LOC128125822: variants seen among roughly 807,000 people sequenced by gnomAD.
chr6:63,572,536 C>A, the LOC128125822 span: 1 of 395,690 alleles, frequency 2.5e-6, no homozygotes, highest in Non-Finnish European at 4.5e-6. Flanking sequence ...ACGCGCTCTG[C>A]TCCGAGCCGC....
chr6:63,573,947 G>T, the LOC128125822 span, among the ~76,000 whole-genome samples: 26 of 152,148 alleles, frequency 1.7e-4, no homozygotes, highest in African/African-American at 6.0e-4. Flanking sequence ...GTTGCCTCCT[G>T]TTGGTTTGTG....
At chr6:63,575,151 A>T in the LOC128125822 span, among the ~76,000 whole-genome samples, 1 of 152,234 alleles carries the variant, frequency 6.6e-6, no homozygotes, top group Admixed American at 6.5e-5. Flanking sequence ...TTAAAGGTGT[A>T]AAATGGAAAT....
the LOC128125822 span, chr6:63,578,414 T>C: frequency 6.3e-7 from 1 of 1,596,414 alleles, no homozygotes; most frequent in Admixed American, 1.9e-5. Context: ...CATTAAGATT[T>C]TTTTAATGTA....
the LOC128125822 span, chr6:63,582,406 T>C: frequency 2.0e-5 from 3 of 152,512 alleles, no homozygotes; most frequent in Non-Finnish European, 4.4e-5. Context: ...TAAAAATAAA[T>C]TAATTTACTT....
chr6:63,581,169 T>C, the LOC128125822 span: 8 of 152,438 alleles, frequency 5.2e-5, no homozygotes, highest in African/African-American at 1.7e-4. Flanking sequence ...CAACCTCTCT[T>C]GCAAAAAAAG....
At chr6:63,583,153 T>C in the LOC128125822 span, 9 of 152,182 alleles carry the variant, frequency 5.9e-5, no homozygotes, top group Non-Finnish European at 8.8e-5. Context: ...TCAGGAAATA[T>C]AATTTGAGAA....
the LOC128125822 span, among the ~76,000 whole-genome samples, chr6:63,575,326 T>C: frequency 1.3e-5 from 2 of 152,180 alleles, no homozygotes; most frequent in African/African-American, 4.8e-5. Context: ...TATTAATACT[T>C]TCCTTAGTGC....
chr6:63,577,064 C>A, the LOC128125822 span: 2 of 1,162,076 alleles, frequency 1.7e-6, no homozygotes, highest in Non-Finnish European at 1.2e-6. Context: ...ATAAAAACTA[C>A]TTTGGAAAAA....
At chr6:63,579,685 A>G in the LOC128125822 span, among the ~76,000 whole-genome samples, 4 of 152,328 alleles carry the variant, frequency 2.6e-5, no homozygotes, top group African/African-American at 4.8e-5. Flanking sequence ...TAACCATCCA[A>G]TACAACACAT....
the LOC128125822 span, chr6:63,581,678 A>G: frequency 6.6e-6 from 1 of 152,160 alleles, no homozygotes. Flanking sequence ...ATAATTTTGA[A>G]CCAATTTATT....
the LOC128125822 span, chr6:63,580,910 T>G: frequency 2.6e-5 from 4 of 152,570 alleles, no homozygotes; most frequent in African/African-American, 9.7e-5. Context: ...GAGGTGCAAC[T>G]TAACAGGGAG....
the LOC128125822 span, among the ~76,000 whole-genome samples, chr6:63,574,853 A>G: frequency 6.6e-6 from 1 of 152,174 alleles, no homozygotes; most frequent in Non-Finnish European, 1.5e-5. Flanking sequence ...GATTACTACA[A>G]TCTGTATTCA....
the LOC128125822 span, chr6:63,572,572 CCCGCCGCCGCCTGCATCG>C: frequency 4.8e-6 from 2 of 413,444 alleles, no homozygotes; most frequent in Non-Finnish European, 8.4e-6. Context: ...GTCTGGTGCC[CCCGCCGCCGCCTGCATCG>C]CCGCCACCGC....
At chr6:63,572,797 G>C in the LOC128125822 span, 5 of 397,526 alleles carry the variant, frequency 1.3e-5, no homozygotes, top group East Asian at 1.8e-4. Flanking sequence ...GCCTTTGTTC[G>C]GAGCCCGGCG....
the LOC128125822 span, chr6:63,576,615 C>G: frequency 2.0e-6 from 1 of 488,606 alleles, no homozygotes. Context: ...TTGAAATCCA[C>G]AGAGCATTTT....
At chr6:63,572,952 C>G in the LOC128125822 span, among the ~76,000 whole-genome samples, 3 of 152,126 alleles carry the variant, frequency 2.0e-5, no homozygotes, top group African/African-American at 7.2e-5. Flanking sequence ...GGTTGGCCGC[C>G]GGAGGCACCG....
chr6:63,572,538 C>G, the LOC128125822 span: 1 of 396,364 alleles, frequency 2.5e-6, no homozygotes, highest in African/African-American at 2.1e-5. Context: ...GCGCTCTGCT[C>G]CGAGCCGCTC....
chr6:63,580,354 A>G, the LOC128125822 span: 1 of 550,874 alleles, frequency 1.8e-6, no homozygotes, highest in Non-Finnish European at 3.3e-6. Context: ...GTTACAGTCA[A>G]CCTATTTGGA....
the LOC128125822 span, chr6:63,583,046 T>C: frequency 6.6e-6 from 1 of 152,200 alleles, no homozygotes; most frequent in Non-Finnish European, 1.5e-5. Context: ...TTTAAGAATA[T>C]GGCAAAGAAC....
Sources: allele counts gnomAD v4.1 joint callset (sites outside exome capture counted in the v4.1 genomes callset), GRCh38; gene constraint gnomAD v4.1.1; transcripts MANE v1.5.